Variants in USP24 observed in about 807,000 individuals in gnomAD.
The protein encoded by USP24 is ubiquitin specific peptidase 24.
In USP24, 97 loss-of-function variants were observed where a neutral mutation model predicts 361.6. That is an observed-to-expected ratio of 0.27 (90% CI 0.23 to 0.32). The LOEUF (loss-of-function observed/expected upper bound fraction) is 0.32. Among genes scored for constraint, USP24 ranks in the 10% least tolerant of loss-of-function variants. The pLI, the probability that USP24 is intolerant of heterozygous loss-of-function variation, is 1.00. For synonymous variants in USP24, 1,098 were observed against 1,124.6 expected (o/e 0.98, Z 0.47); for missense variants, 2,353 against 3,165.6 (o/e 0.74, Z 6.16).
At chr1:55,209,426 C>G (rs1644797177) in intron 1 of USP24, among the ~76,000 whole-genome samples, 1 of 152,096 alleles carries the variant, frequency 6.6e-6, no homozygotes, top group Non-Finnish European at 1.5e-5. Flanking sequence ...TTCAAATCAC[C>G]CTACACAAAT....
intron 3 of USP24, among the ~76,000 whole-genome samples, chr1:55,174,268 G>A (rs1448828273): frequency 6.6e-6 from 1 of 152,040 alleles, no homozygotes; most frequent in Non-Finnish European, 1.5e-5. Context: ...GATGGTCATC[G>A]AACCGAGAAA....
chr1:55,073,795 C>G (rs1166206664), intron 64 of USP24, 33 bp downstream of exon 64: 4 of 1,537,676 alleles, frequency 2.6e-6, no homozygotes, highest in Non-Finnish European at 3.5e-6. Context: ...ATTAAAACAC[C>G]ATTTCCTCCC....
chr1:55,153,964 T>A, intron 15 of USP24, 47 bp from the exon 16 acceptor site: 1 of 1,542,574 alleles, frequency 6.5e-7, no homozygotes, highest in South Asian at 1.2e-5. Context: ...GTAAAAGCAA[T>A]ACCTATAATT....
chr1:55,107,841 C>CAAAAA (rs777328294), intron 39 of USP24, among the ~76,000 whole-genome samples: 1,018 of 38,034 alleles, frequency 0.027, 196 homozygotes, highest in Middle Eastern at 0.053. Context: ...GACTCTGTCT[C>CAAAAA]AAAAAAAAAA....
chr1:55,189,061 T>C (rs957417531), intron 1 of USP24, among the ~76,000 whole-genome samples: 9 of 151,480 alleles, frequency 5.9e-5, no homozygotes, highest in African/African-American at 2.2e-4. Flanking sequence ...TGCTGATTGA[T>C]TATAAAATGG....
At chr1:55,115,656 C>A (rs927023942) in intron 38 of USP24, among the ~76,000 whole-genome samples, 1 of 152,120 alleles carries the variant, frequency 6.6e-6, no homozygotes, top group Non-Finnish European at 1.5e-5. Flanking sequence ...ACCCAGCAAT[C>A]CCATCACTGG....
At chr1:55,169,124 AAC>A (rs1203582216) in intron 5 of USP24, among the ~76,000 whole-genome samples, 2 of 152,162 alleles carry the variant, frequency 1.3e-5, no homozygotes, top group African/African-American at 2.4e-5. Context: ...TACAAAATGA[AAC>A]AGTCAAAAAA....
At chr1:55,150,568 T>C (rs1328673453) in intron 16 of USP24, among the ~76,000 whole-genome samples, 1 of 152,168 alleles carries the variant, frequency 6.6e-6, no homozygotes, top group African/African-American at 2.4e-5. Context: ...GACATAAATA[T>C]GAACTCTTCA....
At chr1:55,074,373 C>A (rs1415075743) in intron 63 of USP24, among the ~76,000 whole-genome samples, 1 of 152,154 alleles carries the variant, frequency 6.6e-6, no homozygotes. Flanking sequence ...GTGGCTCACG[C>A]CTGTAATCCC....
intron 1 of USP24, among the ~76,000 whole-genome samples, chr1:55,194,069 T>C (rs942642849): frequency 6.6e-6 from 1 of 152,152 alleles, no homozygotes; most frequent in Non-Finnish European, 1.5e-5. Context: ...ACAGAACTTA[T>C]ATAATGCACC....
rs368706607 is a variant in USP24, at chr1:55,097,052, T to C, written c.5836A>G (p.Lys1946Glu). 6 of 1,613,790 alleles carry C rather than the reference T, an allele frequency of 3.7e-6. No individual in the cohort carries two copies. Among genetic ancestry groups the C allele is most frequent in the East Asian group, 4.5e-5 (2 of 44,882 alleles). Residue 1946 changes from lysine to glutamate, a missense_variant, in exon 49 of 68, where the codon AAA becomes GAA. This residue lies in a region of USP24 where 598 missense variants were observed against 761.9 expected (regional missense o/e 0.78). Transcript: ENST00000294383. ...TAGTTTTCTGTGAGGGCAACCTTTT[T>C]TCGTGGGGATCCTCCACCGCCCTGA... ...VDQGGGGSPR[K>E]KVALTENYEL...
chr1:55,132,770 A>G (rs951080074), intron 30 of USP24, 70 bp from the exon 31 acceptor site: 19 of 1,444,452 alleles, frequency 1.3e-5, no homozygotes, highest in Non-Finnish European at 1.7e-5. Flanking sequence ...AGATCTTAGT[A>G]CACGTCCTAA....
At position 55,202,489 on chromosome 1, in the gene USP24, C is replaced by T. The variant is rs572278314; in HGVS notation, c.324+12301G>A. On this transcript the variant is annotated intron_variant, in intron 1 of 67. Coordinates refer to ENST00000294383, the MANE Select transcript of USP24 (RefSeq NM_015306.3). Reference sequence around the variant, plus strand: ...GTGCGATCTCGGCTCACTGCAAACTCCGCCTCCCAGGTTCAAGCAATTCTC... The same window carrying T: ...GTGCGATCTCGGCTCACTGCAAACTTCGCCTCCCAGGTTCAAGCAATTCTC... Among the ~76,000 whole-genome samples, 56 of 152,012 alleles carry T rather than the reference C, an allele frequency of 3.7e-4. No individual in the cohort carries two copies. The South Asian group carries it at 6.6e-3, about 18-fold the overall frequency.
chr1:55,157,355 C>G lies in USP24; in HGVS notation c.1243G>C (p.Glu415Gln), dbSNP rs1376782625. 6.3e-7 allele frequency: 1 copy of G among 1,582,972 alleles called. No homozygotes were observed. Among genetic ancestry groups the G allele is most frequent in the African/African-American group, 1.4e-5 (1 of 73,390 alleles). Residue 415 changes from glutamate (E) to glutamine (Q), a missense_variant, in exon 11 of 68, where the codon GAA becomes CAA. By Grantham distance (29) the Glu-to-Gln change is conservative. Transcript: ENST00000294383. The part of the protein sequence containing the change: ...NSLKEVTKLI[E>Q]DSTLSKSVKN... The stretch of plus-strand genomic sequence containing the variant: ...ACAGATTTGGATAAAGTGCTATCTT[C>G]TATTAGTTTGGTTACCTAAAAAGAT...
At chr1:55,148,273 TAAAA>T (rs142185905) in intron 17 of USP24, among the ~76,000 whole-genome samples, 186 bp downstream of exon 17, 1 of 137,546 alleles carries the variant, frequency 7.3e-6, no homozygotes, top group Non-Finnish European at 1.6e-5. Flanking sequence ...TTAAGGAGAT[TAAAA>T]AAAAAAAAAA....
At chr1:55,097,531 AG>A in intron 48 of USP24, 66 bp downstream of exon 48, 2 of 1,509,406 alleles carry the variant, frequency 1.3e-6, no homozygotes, top group Admixed American at 2.4e-5. Flanking sequence ...AAATTGAAAA[AG>A]GAAAAAAAAA....
In USP24 at chr1:55,154,749, G is replaced by A. The variant is rs534355784; in HGVS notation, c.1476C>T (p.Asn492=). The A allele has an allele frequency of 1.6e-5, 26 of 1,612,944 alleles. No homozygotes were observed. The South Asian group carries it at 2.7e-4, about 17-fold the overall frequency. ...QSGQSSTVIE[N]IHTIIAAAAV... is the part of the protein sequence containing the mutation. ...CCGCTGCAGCAATAATAGTATGAAT[G>A]TTCTCAATCACAGTAGATGATTGTC... Residue 492 remains asparagine, a synonymous_variant, in exon 13 of 68, where the codon AAC becomes AAT. Coordinates refer to ENST00000294383, the MANE Select transcript of USP24 (RefSeq NM_015306.3).
intron 6 of USP24, 32 bp downstream of exon 6, chr1:55,166,536 G>A: frequency 6.4e-7 from 1 of 1,559,978 alleles, no homozygotes; most frequent in Non-Finnish European, 8.7e-7. Flanking sequence ...TTGAAAATAT[G>A]CTACATGACA....
In USP24 at chr1:55,076,249, G is replaced by A. The variant is rs114527615; in HGVS notation, c.7381-726C>T. On this transcript the variant is annotated intron_variant, in intron 62 of 67. Transcript: ENST00000294383. Reference sequence around the variant, plus strand: ...AGCTGTATTTCTAGTTCTTAGTACTGAACTGTGCATGGTATAAAAACTATA... The same window carrying A: ...AGCTGTATTTCTAGTTCTTAGTACTAAACTGTGCATGGTATAAAAACTATA... Among the ~76,000 whole-genome samples the A allele has an allele frequency of 9.6e-3, 1,457 of 152,214 alleles. 9 individuals are homozygous for A. Among genetic ancestry groups the A allele is most frequent in the Non-Finnish European group, 0.014 (944 of 68,010 alleles).
Sources: gnomAD v4.1 joint callset for allele counts (sites outside exome capture counted in the v4.1 genomes callset) on GRCh38, gnomAD v4.1.1 for gene constraint, gnomAD v4.1.1 regional missense constraint, MANE v1.5 for transcripts, NCBI Gene and HGNC (gene_info 2026-07-23, HGNC 2026-07-21) for gene names.